The following BRIX1 variants were observed in gnomAD, a reference collection of about 807,000 sequenced individuals.
BRIX1 encodes ribosome biogenesis protein BRX1 homolog.
In BRIX1, 15 loss-of-function variants were observed where a neutral mutation model predicts 44.0. The observed-to-expected ratio is 0.34, with a 90% CI of 0.23 to 0.53. The LOEUF (loss-of-function observed/expected upper bound fraction) is 0.53. Ranked by LOEUF, BRIX1 falls within the 20% of genes least tolerant of loss-of-function variation. The pLI is 0.95. For synonymous variants in BRIX1, 149 were observed against 135.4 expected, an observed-to-expected ratio of 1.10 and a Z score of -0.70; for missense variants, 420 against 432.8, an observed-to-expected ratio of 0.97 and a Z score of 0.26.
Position 34,915,798 on chromosome 5 carries a change from A to G in BRIX1, c.60A>G (p.Lys20=). Residue 20 remains lysine, a synonymous_variant, in exon 1 of 10, where the codon AAA becomes AAG. Transcript: ENST00000336767. The part of the protein sequence containing the change: ...GGFAVQAKKP[K]RNEIDAEPPA... ...TTGCAGTTCAGGCGAAGAAGCCAAAAAGAAACGAAATAGATGCGGAGCCGC... is the reference window on the plus strand; with the variant it reads ...TTGCAGTTCAGGCGAAGAAGCCAAAGAGAAACGAAATAGATGCGGAGCCGC... 2 of 1,590,916 alleles carry G rather than the reference A, an allele frequency of 1.3e-6. No homozygotes were observed. The highest frequency in any genetic ancestry group is 1.7e-6 in the Non-Finnish European group (2 of 1,168,750).
At chr5:34,916,923 TC>T (rs11340440) in intron 1 of BRIX1, among the ~76,000 whole-genome samples, 5,046 of 152,240 alleles carry the variant, frequency 0.033, 187 homozygotes, top group African/African-American at 0.093. Flanking sequence ...CTTGTACACT[TC>T]CAGTAAATGT....
rs1764058737 is a variant in BRIX1 at position 34,915,810 on chromosome 5, A to C, written c.72A>C (p.Ile24=). 1 of 1,582,850 alleles carries C rather than the reference A, an allele frequency of 6.3e-7. No homozygotes were observed. The highest frequency in any genetic ancestry group is 8.6e-7 in the Non-Finnish European group (1 of 1,164,638). Residue 24 remains isoleucine, a synonymous_variant, in exon 1 of 10, where the codon ATA becomes ATC. Transcript: ENST00000336767. ...CGAAGAAGCCAAAAAGAAACGAAAT[A>C]GATGCGGAGCCGCCAGCTAAGCGGC... ...VQAKKPKRNE[I]DAEPPAKRHA...
chr5:34,922,341 T>C (rs1027048253), intron 4 of BRIX1, 54 bp downstream of exon 4: 5 of 1,182,648 alleles, frequency 4.2e-6, no homozygotes, highest in South Asian at 4.1e-5. Flanking sequence ...ATTTGTTCTT[T>C]GTACCTTTTA....
At position 34,922,728 on chromosome 5, in the gene BRIX1, A is replaced by C; in HGVS notation, c.470A>C (p.Asn157Thr). 1 of 1,614,052 alleles carries C rather than the reference A, an allele frequency of 6.2e-7. No homozygotes were observed. Among genetic ancestry groups the C allele is most frequent in the Admixed American group, 1.7e-5 (1 of 60,022 alleles). ...HTLAELKMTGNCLKGSRPLLS... is the reference protein window; with the variant it reads ...HTLAELKMTGTCLKGSRPLLS... ...CTCGCTGAACTGAAGATGACTGGAA[A>C]CTGTTTGAAAGGTTCTCGGCCCCTT... The change falls in exon 6 of 10, where the codon AAC becomes ACC. Residue 157 changes from asparagine to threonine, a missense_variant. By Grantham distance (65) the Asn-to-Thr change is moderately conservative. Coordinates refer to ENST00000336767, the MANE Select transcript of BRIX1 (RefSeq NM_018321.4).
At position 34,922,274 on chromosome 5, in the gene BRIX1, G is replaced by A. The variant is rs935912954; in HGVS notation, c.373G>A (p.Asp125Asn). The A allele has an allele frequency of 1.3e-6, 2 of 1,577,728 alleles. No individual in the cohort carries two copies. The highest frequency in any genetic ancestry group is 2.3e-5 in the South Asian group (2 of 88,386). ...CIYFEAKKKQ[D>N]LYMWLSNSPH... is the part of the protein sequence containing the mutation. Reference sequence around the variant, plus strand: ...CTATTTTGAAGCTAAGAAAAAACAGGATCTCTATATGTGGTAAGAGAATGT... The same window carrying A: ...CTATTTTGAAGCTAAGAAAAAACAGAATCTCTATATGTGGTAAGAGAATGT... The change falls in exon 4 of 10, where the codon GAT (aspartate) becomes AAT (asparagine). Residue 125 changes from aspartate (D) to asparagine (N), a missense_variant. Transcript: ENST00000336767.
At chr5:34,922,841 G>C in intron 6 of BRIX1, 73 bp downstream of exon 6, 2 of 1,413,312 alleles carry the variant, frequency 1.4e-6, no homozygotes, top group Non-Finnish European at 2.0e-6. Flanking sequence ...ATATAGTTGT[G>C]TTATTCAATT....
intron 2 of BRIX1, 82 bp from the exon 3 acceptor site, chr5:34,919,758 C>A (rs1324737418): frequency 9.0e-6 from 4 of 445,066 alleles, no homozygotes; most frequent in African/African-American, 4.1e-5. Flanking sequence ...ACTTTATTTT[C>A]TGGATAGCAT....
Position 34,924,877 on chromosome 5 carries a change from A to G in BRIX1, c.694A>G (p.Ile232Val), listed in dbSNP as rs540333043. The G allele has an allele frequency of 1.2e-6, 2 of 1,606,794 alleles. No homozygotes were observed. Among genetic ancestry groups the G allele is most frequent in the East Asian group, 2.2e-5 (1 of 44,824 alleles). The change falls in exon 9 of 10, where the codon ATA becomes GTA. Residue 232 changes from isoleucine (I) to valine (V), a missense_variant. By Grantham distance (29) the Ile-to-Val change is conservative. Coordinates refer to ENST00000336767, the MANE Select transcript of BRIX1 (RefSeq NM_018321.4). ...IIEEDAALVEIGPRFVLNLIK... is the reference protein window; with the variant it reads ...IIEEDAALVEVGPRFVLNLIK... ...AGAAGAAGATGCTGCTCTTGTAGAA[A>G]TAGGACCTCGTTTTGTCTTAAATCT...
chr5:34,919,854 C>A lies in BRIX1; in HGVS notation c.286C>A (p.Arg96Ser), dbSNP rs371167481. 7.8e-6 allele frequency: 9 copies of A among 1,151,504 alleles called. No homozygotes were observed. The East Asian group carries it at 1.6e-4, about 20-fold the overall frequency. 71.3% of individuals were successfully genotyped at this position (1,151,504 alleles called of 1,614,324 possible). ...PHSKADTKMD[R>S]KDKLFVINEV... ...TCTTTTTCTAGATACTAAAATGGAT[C>A]GTAAGGATAAGCTATTTGTGATTAA... The change falls in exon 3 of 10, where the codon CGT becomes AGT. Residue 96 changes from arginine to serine, a missense_variant. Coordinates refer to ENST00000336767, the MANE Select transcript of BRIX1 (RefSeq NM_018321.4).
chr5:34,925,278 A>G lies in BRIX1; in HGVS notation c.845A>G (p.Gln282Arg). 6.2e-7 allele frequency: 1 copy of G among 1,613,158 alleles called. No individual in the cohort carries two copies. The highest frequency in any genetic ancestry group is 8.5e-7 in the Non-Finnish European group (1 of 1,179,854). ...GCTGCAAAATACAGAGAGAAACAGC[A>G]AGTGAAAGATGTGCAAAAACTGAGA... ...ITAAKYREKQ[Q>R]VKDVQKLRKK... The change falls in exon 10 of 10, where the codon CAA becomes CGA. Residue 282 changes from glutamine (Q) to arginine (R), a missense_variant. Physicochemically the swap from Gln to Arg is conservative, Grantham distance 43 (BLOSUM62 1). Transcript: ENST00000336767.
At chr5:34,923,349 G>C (rs1764282728) in intron 8 of BRIX1, 115 bp downstream of exon 8, 2 of 770,306 alleles carry the variant, frequency 2.6e-6, no homozygotes, top group Non-Finnish European at 4.3e-6. Context: ...GCACAATCTT[G>C]GCTCACTGCA....
chr5:34,923,488 G>T, intron 8 of BRIX1: 3 of 429,910 alleles, frequency 7.0e-6, no homozygotes, highest in Non-Finnish European at 8.5e-6. Context: ...ATGTTGGCCA[G>T]GCTGGTCTCA....
At position 34,925,244 on chromosome 5, in the gene BRIX1, T is replaced by G; in HGVS notation, c.811T>G (p.Ser271Ala). 6.3e-7 allele frequency: 1 copy of G among 1,598,004 alleles called. No homozygotes were observed. The highest frequency in any genetic ancestry group is 8.5e-7 in the Non-Finnish European group (1 of 1,173,064). ...TTTTTAGCATCGGCGTGTCATAAGA[T>G]CCATCACAGCTGCAAAATACAGAGA... is the stretch of plus-strand genomic sequence containing the variant. The part of the protein sequence containing the change: ...SPNMHRRVIR[S>A]ITAAKYREKQ... The change falls in exon 10 of 10, where the codon TCC becomes GCC. Residue 271 changes from serine to alanine, a missense_variant. By Grantham distance (99) the Ser-to-Ala change is moderately conservative. Transcript: ENST00000336767.
At chr5:34,920,950 T>C (rs953648431) in intron 3 of BRIX1, 7 of 152,198 alleles carry the variant, frequency 4.6e-5, no homozygotes, top group African/African-American at 1.4e-4. Context: ...CTGCAGCCTC[T>C]GCTTCCTGGG....
At position 34,923,127 on chromosome 5, in the gene BRIX1, A is replaced by G. The variant is rs1220892775; in HGVS notation, c.562-6A>G. ...ATAAGGAACTAACATACACTTTTTT[A>G]ACTAGATCTTTAGTACACCACGGTA... On this transcript the variant is annotated splice_polypyrimidine_tract_variant and splice_region_variant and intron_variant, in intron 7 of 9. Transcript: ENST00000336767. 1 of 1,609,770 alleles carries G rather than the reference A, an allele frequency of 6.2e-7. No homozygotes were observed. The highest frequency in any genetic ancestry group is 8.5e-7 in the Non-Finnish European group (1 of 1,176,310).
chr5:34,922,746 G>C lies in BRIX1; in HGVS notation c.488G>C (p.Arg163Pro). 6.2e-7 allele frequency: 1 copy of C among 1,613,914 alleles called. No individual in the cohort carries two copies. Among genetic ancestry groups the C allele is most frequent in the South Asian group, 1.1e-5 (1 of 91,076 alleles). Residue 163 changes from arginine (R) to proline (P), a missense_variant, in exon 6 of 10, where the codon CGG (arginine) becomes CCG (proline). By Grantham distance (103) the Arg-to-Pro change is moderately radical. Coordinates refer to ENST00000336767, the MANE Select transcript of BRIX1 (RefSeq NM_018321.4). ...KMTGNCLKGS[R>P]PLLSFDPAFD... ...ACTGGAAACTGTTTGAAAGGTTCTCGGCCCCTTTTGTCTTTTGACCCTGTA... is the reference window on the plus strand; with the variant it reads ...ACTGGAAACTGTTTGAAAGGTTCTCCGCCCCTTTTGTCTTTTGACCCTGTA...
chr5:34,923,115 A>G lies in BRIX1; in HGVS notation c.562-18A>G. On this transcript the variant is annotated intron_variant, in intron 7 of 9. Coordinates refer to ENST00000336767, the MANE Select transcript of BRIX1 (RefSeq NM_018321.4). The stretch of plus-strand genomic sequence containing the variant: ...ATATATCTTGGAATAAGGAACTAAC[A>G]TACACTTTTTTAACTAGATCTTTAG... 1.2e-6 allele frequency: 2 copies of G among 1,601,884 alleles called. No individual in the cohort carries two copies. The highest frequency in any genetic ancestry group is 8.6e-7 in the Non-Finnish European group (1 of 1,168,960).
chr5:34,922,804 C>G lies in BRIX1; in HGVS notation c.510+36C>G, dbSNP rs758760865. The G allele has an allele frequency of 1.9e-6, 3 of 1,569,252 alleles. No individual in the cohort carries two copies. The African/African-American group carries it at 4.1e-5, about 21-fold the overall frequency. ...CATTCAGTGTATGAGGTCTAATTTTCTTATCTGGCATGGTTGTTTTTAGTA... is the reference window on the plus strand; with the variant it reads ...CATTCAGTGTATGAGGTCTAATTTTGTTATCTGGCATGGTTGTTTTTAGTA... On this transcript the variant is annotated intron_variant, in intron 6 of 9. Coordinates refer to ENST00000336767, the MANE Select transcript of BRIX1 (RefSeq NM_018321.4).
chr5:34,919,370 G>GT (rs376694016), intron 2 of BRIX1, among the ~76,000 whole-genome samples: 1 of 151,348 alleles, frequency 6.6e-6, no homozygotes, highest in Non-Finnish European at 1.5e-5. Context: ...GTGCTTTGGG[G>GT]TTTTTTTGTT....
Sources: allele counts gnomAD v4.1 joint callset (sites outside exome capture counted in the v4.1 genomes callset), GRCh38; gene constraint gnomAD v4.1.1; transcripts MANE v1.5; gene names NCBI Gene and HGNC (gene_info 2026-07-23, HGNC 2026-07-21).